Variants in GRID1 observed in about 807,000 individuals in gnomAD.
The protein encoded by GRID1 is glutamate receptor ionotropic, delta-1.
GRID1 carries 28 observed loss-of-function variants against 98.0 expected under a neutral mutation model. The ratio of observed to expected loss-of-function variants is 0.29; its 90% CI spans 0.21 to 0.39. The LOEUF is 0.39. Among genes scored for constraint, GRID1 ranks in the 10% least tolerant of loss-of-function variants. The pLI, the probability that GRID1 is intolerant of heterozygous loss-of-function variation, is 1.00. For missense variants in GRID1, 1,111 were observed against 1,340.5 expected (o/e 0.83, Z 2.67); for synonymous variants, 553 against 538.5 (o/e 1.03, Z -0.37).
At chr10:85,770,178 C>T (rs1842247204) in intron 8 of GRID1, among the ~76,000 whole-genome samples, 1 of 152,168 alleles carries the variant, frequency 6.6e-6, no homozygotes, top group African/African-American at 2.4e-5. Flanking sequence ...CGAAAATCTG[C>T]TGTTCTGCAG....
intron 2 of GRID1, among the ~76,000 whole-genome samples, chr10:86,254,625 G>A (rs1564720444): frequency 6.6e-6 from 1 of 152,222 alleles, no homozygotes; most frequent in African/African-American, 2.4e-5. Flanking sequence ...CACACTCCTG[G>A]ATGATTCATG....
chr10:85,815,205 T>C (rs1590244259), intron 8 of GRID1, among the ~76,000 whole-genome samples: 1 of 151,992 alleles, frequency 6.6e-6, no homozygotes, highest in South Asian at 2.1e-4. Context: ...CTATTCATGA[T>C]AAAAACTCTC....
chr10:86,109,825 G>A (rs1186429096), intron 4 of GRID1, among the ~76,000 whole-genome samples: 1 of 152,178 alleles, frequency 6.6e-6, no homozygotes, highest in East Asian at 1.9e-4. Flanking sequence ...AGAGGAAGAT[G>A]GCTGGGGTCC....
intron 4 of GRID1, among the ~76,000 whole-genome samples, chr10:85,992,498 G>T (rs1450848142): frequency 6.6e-6 from 1 of 151,988 alleles, no homozygotes; most frequent in African/African-American, 2.4e-5. Context: ...GGGGTTGGAG[G>T]TCTCACTAGG....
chr10:86,207,865 C>T (rs1234640526), intron 2 of GRID1, among the ~76,000 whole-genome samples: 2 of 152,042 alleles, frequency 1.3e-5, no homozygotes, highest in Non-Finnish European at 2.9e-5. Context: ...CTCCTGACCT[C>T]GTGATCCGCC....
chr10:86,331,511 G>A (rs1848142341), intron 2 of GRID1, among the ~76,000 whole-genome samples: 4 of 152,238 alleles, frequency 2.6e-5, no homozygotes, highest in African/African-American at 9.6e-5. Context: ...AACCCCATTG[G>A]AAGCTGGAGG....
chr10:86,235,730 T>A (rs1170317772), intron 2 of GRID1, among the ~76,000 whole-genome samples: 2 of 152,262 alleles, frequency 1.3e-5, no homozygotes, highest in East Asian at 3.8e-4. Flanking sequence ...GTTTCATTCT[T>A]TTGTATTTCT....
intron 4 of GRID1, among the ~76,000 whole-genome samples, chr10:85,965,918 T>A (rs1286582752): frequency 1.3e-5 from 2 of 152,054 alleles, no homozygotes; most frequent in Non-Finnish European, 2.9e-5. Context: ...CTAGATCTAC[T>A]CCCACCACCT....
At chr10:86,094,046 C>A (rs536966536) in intron 4 of GRID1, among the ~76,000 whole-genome samples, 11 of 152,114 alleles carry the variant, frequency 7.2e-5, no homozygotes, top group Non-Finnish European at 1.2e-4. Context: ...TTAACATATG[C>A]AAGTCAATAA....
At chr10:86,013,406 A>G (rs1423345131) in intron 4 of GRID1, among the ~76,000 whole-genome samples, 1 of 152,230 alleles carries the variant, frequency 6.6e-6, no homozygotes, top group African/African-American at 2.4e-5. Context: ...GCAGATACAA[A>G]AAGTAATGAG....
chr10:85,922,286 C>A (rs1186900800), intron 4 of GRID1, among the ~76,000 whole-genome samples: 1 of 152,194 alleles, frequency 6.6e-6, no homozygotes, highest in African/African-American at 2.4e-5. Flanking sequence ...ACCATTATTC[C>A]ACTTGCATTT....
intron 8 of GRID1, among the ~76,000 whole-genome samples, chr10:85,786,801 AC>A (rs1344703693): frequency 6.6e-6 from 1 of 152,180 alleles, no homozygotes; most frequent in African/African-American, 2.4e-5. Context: ...AAGGCAATGA[AC>A]CTGCTGCGAG....
intron 8 of GRID1, among the ~76,000 whole-genome samples, chr10:85,823,921 G>A (rs1188154851): frequency 3.9e-5 from 6 of 152,118 alleles, no homozygotes; most frequent in African/African-American, 2.4e-5. Flanking sequence ...AAAGAATACT[G>A]AGAGAATCCA....
intron 4 of GRID1, among the ~76,000 whole-genome samples, chr10:86,010,991 A>G (rs1250242733): frequency 6.6e-6 from 1 of 152,168 alleles, no homozygotes; most frequent in Non-Finnish European, 1.5e-5. Flanking sequence ...GGAGTTTGGG[A>G]TAGGGATCTT....
intron 4 of GRID1, among the ~76,000 whole-genome samples, chr10:86,054,973 C>T (rs1843553130): frequency 6.6e-6 from 1 of 152,232 alleles, no homozygotes; most frequent in African/African-American, 2.4e-5. Context: ...TTTCCACTCA[C>T]TCTCTGGGAA....
intron 8 of GRID1, among the ~76,000 whole-genome samples, chr10:85,829,696 CA>C (rs1842850817): frequency 6.6e-6 from 1 of 152,030 alleles, no homozygotes; most frequent in Non-Finnish European, 1.5e-5. Flanking sequence ...CAATTCCATT[CA>C]AAATATCCCC....
chr10:85,878,901 G>A (rs946322669), intron 5 of GRID1, among the ~76,000 whole-genome samples: 4 of 152,030 alleles, frequency 2.6e-5, no homozygotes, highest in Non-Finnish European at 5.9e-5. Flanking sequence ...ACACAAATAG[G>A]CTCAAAATAA....
intron 4 of GRID1, among the ~76,000 whole-genome samples, chr10:85,936,850 A>T (rs1255705892): frequency 6.6e-6 from 1 of 152,250 alleles, no homozygotes. Flanking sequence ...CTCTTCTTGC[A>T]CTAAGTTAAA....
At chr10:86,162,349 C>G (rs1041203542) in intron 3 of GRID1, among the ~76,000 whole-genome samples, 5 of 152,030 alleles carry the variant, frequency 3.3e-5, no homozygotes, top group Non-Finnish European at 7.4e-5. Context: ...CCCAGGGACC[C>G]TCACCCCATG....
Sources: gnomAD v4.1 joint callset for allele counts (sites outside exome capture counted in the v4.1 genomes callset) on GRCh38, gnomAD v4.1.1 for gene constraint, MANE v1.5 for transcripts, NCBI Gene and HGNC (gene_info 2026-07-23, HGNC 2026-07-21) for gene names.